SORL1: variants seen among roughly 807,000 people sequenced by gnomAD.
The protein encoded by SORL1 is sortilin-related receptor.
SORL1 carries 127 observed loss-of-function variants against 273.7 expected under a neutral mutation model. The observed-to-expected ratio is 0.46, with a 90% CI of 0.40 to 0.54. The LOEUF is 0.54. SORL1 is among the 20% of genes least tolerant of loss of function. The probability of loss-of-function intolerance (pLI) is 0.00; values close to 1 mark genes in which losing one functional copy is unlikely to be tolerated. For missense variants in SORL1, 2,494 were observed against 2,846.1 expected, an observed-to-expected ratio of 0.88 and a Z score of 2.81; for synonymous variants, 1,031 against 1,067.4, an observed-to-expected ratio of 0.97 and a Z score of 0.66.
At chr11:121,590,235 C>T (rs765031867) in intron 30 of SORL1, 61 bp downstream of exon 30, 1 of 1,528,564 alleles carries the variant, frequency 6.5e-7, no homozygotes, top group Non-Finnish European at 8.9e-7. Context: ...ATAGTTCCAC[C>T]AGCTATGCAG....
intron 45 of SORL1, among the ~76,000 whole-genome samples, chr11:121,624,500 G>C (rs748389752): frequency 6.6e-5 from 10 of 152,184 alleles, no homozygotes; most frequent in Non-Finnish European, 1.3e-4. Context: ...ACAGGGGCCT[G>C]AGCTGGCTTC....
intron 6 of SORL1, among the ~76,000 whole-genome samples, chr11:121,509,305 G>A (rs1427382290): frequency 6.6e-6 from 1 of 152,072 alleles, no homozygotes; most frequent in Non-Finnish European, 1.5e-5. Context: ...GCAACTTTCA[G>A]TGGGATAGCT....
At position 121,494,743 on chromosome 11, in the gene SORL1, A is replaced by G. The variant is rs754339037; in HGVS notation, c.759-2126A>G. On this transcript the variant is annotated intron_variant, in intron 5 of 47. Transcript: ENST00000260197. ...GAAAGTCACAGTTCTTTCTATCTCT[A>G]GGTGTTGGCTGCTGCTTTTGGCTAG... is the stretch of plus-strand genomic sequence containing the variant. Among the ~76,000 whole-genome samples the G allele has an allele frequency of 1.5e-4, 23 of 152,160 alleles. 1 individual carries two copies. Among genetic ancestry groups the G allele is most frequent in the African/African-American group, 3.4e-4 (14 of 41,432 alleles).
chr11:121,498,669 A>C (rs1861665501), intron 6 of SORL1, among the ~76,000 whole-genome samples: 1 of 152,150 alleles, frequency 6.6e-6, no homozygotes, highest in South Asian at 2.1e-4. Context: ...TGAGGTCAGT[A>C]GTTTGAGACG....
intron 3 of SORL1, among the ~76,000 whole-genome samples, chr11:121,478,995 C>T (rs570837563): frequency 2.7e-5 from 4 of 148,770 alleles, no homozygotes; most frequent in South Asian, 2.1e-4. Flanking sequence ...TACCCACGTG[C>T]GTGCGCATGC....
chr11:121,621,092 TAAGA>T lies in SORL1; in HGVS notation c.5923_5926del (p.Lys1975LeufsTer7), dbSNP rs1565357622. The T allele has an allele frequency of 2.5e-6, 4 of 1,612,706 alleles. No homozygotes were observed. The highest frequency in any genetic ancestry group is 2.5e-6 in the Non-Finnish European group (3 of 1,179,166). ...TATGCAGTTGCAGTCAAAGATCTCA[TAAGA>T]AAGACTGACAGGAGCTACAAAGTAA... is the stretch of plus-strand genomic sequence containing the variant. On this transcript the variant is annotated frameshift_variant, in exon 44 of 48. Coordinates refer to ENST00000260197, the MANE Select transcript of SORL1 (RefSeq NM_003105.6). LOFTEE classifies it high-confidence loss of function.
chr11:121,577,896 G>C (rs931008284), intron 25 of SORL1, among the ~76,000 whole-genome samples: 1 of 152,156 alleles, frequency 6.6e-6, no homozygotes, highest in Non-Finnish European at 1.5e-5. Context: ...TCATTCTTTT[G>C]TTGGGTTCGC....
At chr11:121,534,389 GA>G (rs1862241478) in intron 12 of SORL1, among the ~76,000 whole-genome samples, 1 of 152,156 alleles carries the variant, frequency 6.6e-6, no homozygotes, top group Non-Finnish European at 1.5e-5. Flanking sequence ...ACATGATCAG[GA>G]AAATAAACTT....
chr11:121,537,612 C>A (rs1477620518), intron 12 of SORL1, among the ~76,000 whole-genome samples: 4 of 152,174 alleles, frequency 2.6e-5, no homozygotes, highest in Non-Finnish European at 5.9e-5. Flanking sequence ...CAGCCTTCCG[C>A]CACCCTTTGC....
intron 1 of SORL1, among the ~76,000 whole-genome samples, chr11:121,455,325 G>A (rs750190339): frequency 1.1e-4 from 17 of 152,176 alleles, no homozygotes; most frequent in Non-Finnish European, 2.1e-4. Flanking sequence ...CTCAGACACT[G>A]TCCAGCTTCT....
rs911087440 is a variant in SORL1, at chr11:121,603,988, C to T, written c.4520-205C>T. ...AGTTTGTTTGACTCCAAAGTGCTCA[C>T]TCTTCCCGAATGCAGATTCCAGTTG... On this transcript the variant is annotated intron_variant, in intron 32 of 47. Transcript: ENST00000260197. Among the ~76,000 whole-genome samples the T allele has an allele frequency of 3.9e-5, 6 of 152,366 alleles. No homozygotes were observed. The East Asian group carries it at 9.6e-4, about 24-fold the overall frequency.
At chr11:121,583,341 C>A (rs1863039759) in intron 25 of SORL1, 117 bp from the exon 26 acceptor site, 3 of 1,220,324 alleles carry the variant, frequency 2.5e-6, no homozygotes, top group South Asian at 1.9e-5. Flanking sequence ...CCAGATGCTC[C>A]CACAGTTCAG....
Position 121,531,192 on chromosome 11 carries a change from G to A in SORL1, c.1597-1272G>A, listed in dbSNP as rs577721873. Reference sequence around the variant, plus strand: ...TGGAAGCACTTGAGGTCAGGAGCTCGAGACCAGCCTGACCAACATGGTGAA... The same window carrying A: ...TGGAAGCACTTGAGGTCAGGAGCTCAAGACCAGCCTGACCAACATGGTGAA... On this transcript the variant is annotated intron_variant, in intron 11 of 47. Coordinates refer to ENST00000260197, the MANE Select transcript of SORL1 (RefSeq NM_003105.6). Among the ~76,000 whole-genome samples, 10 of 152,238 alleles carry A rather than the reference G, an allele frequency of 6.6e-5. No homozygotes were observed. The South Asian group carries it at 1.2e-3, about 19-fold the overall frequency.
chr11:121,470,603 T>C (rs986143756), intron 2 of SORL1, among the ~76,000 whole-genome samples: 1 of 152,246 alleles, frequency 6.6e-6, no homozygotes, highest in African/African-American at 2.4e-5. Context: ...CCAAGGGTTA[T>C]AAACTCAAAG....
At chr11:121,582,726 T>TG (rs1706240473) in intron 25 of SORL1, among the ~76,000 whole-genome samples, 5 of 152,362 alleles carry the variant, frequency 3.3e-5, no homozygotes, top group Admixed American at 2.6e-4. Context: ...CCACATATTA[T>TG]TGGCTGGTAG....
chr11:121,522,615 T>C lies in SORL1; in HGVS notation c.1434T>C (p.Ala478=), dbSNP rs1862057058. Residue 478 remains alanine (A), a synonymous_variant, in exon 10 of 48, where the codon GCT becomes GCC. Transcript: ENST00000260197. ...ELSQGCSLHL[A]QRLSQLLNLQ... ...CCCAGGGCTGTTCCCTTCATCTGGC[T>C]CAGCGCCTCAGTCAGCTCCTCAACC... 1 of 1,614,068 alleles carries C rather than the reference T, an allele frequency of 6.2e-7. No homozygotes were observed. Among genetic ancestry groups the C allele is most frequent in the African/African-American group, 1.3e-5 (1 of 74,932 alleles).
At chr11:121,469,110 T>G (rs1861132336) in intron 1 of SORL1, among the ~76,000 whole-genome samples, 1 of 152,210 alleles carries the variant, frequency 6.6e-6, no homozygotes. Flanking sequence ...GCAGCCTCCT[T>G]CCGTCTTCGG....
At chr11:121,594,691 G>C (rs1342097647) in intron 31 of SORL1, among the ~76,000 whole-genome samples, 1 of 152,078 alleles carries the variant, frequency 6.6e-6, no homozygotes, top group African/African-American at 2.4e-5. Context: ...GGCCTTTTTG[G>C]GGGTTAGGGC....
At chr11:121,549,487 A>T (rs1862477080) in intron 14 of SORL1, among the ~76,000 whole-genome samples, 1 of 152,162 alleles carries the variant, frequency 6.6e-6, no homozygotes, top group Non-Finnish European at 1.5e-5. Context: ...TTGGCCTCCC[A>T]AAGTGTTGGG....
Sources: allele counts gnomAD v4.1 joint callset (sites outside exome capture counted in the v4.1 genomes callset), GRCh38; gene constraint gnomAD v4.1.1; transcripts MANE v1.5; gene names NCBI Gene and HGNC (gene_info 2026-07-23, HGNC 2026-07-21).